The following TAFA4 variants were observed in gnomAD, a reference collection of about 807,000 sequenced individuals.
TAFA4 encodes chemokine-like protein TAFA-4.
Under a neutral mutation model 21.1 loss-of-function variants are expected in TAFA4, and 20 were observed. The observed-to-expected ratio is 0.95, with a 90% CI of 0.67 to 1.38. The LOEUF is 1.38. Ranked by LOEUF, TAFA4 falls within the 40% of genes most tolerant of loss-of-function variation. The probability of loss-of-function intolerance (pLI) is 0.00; values close to 1 mark genes in which losing one functional copy is unlikely to be tolerated. For synonymous variants in TAFA4, 71 were observed against 67.4 expected (o/e 1.05, Z -0.26); for missense variants, 211 against 180.9 (o/e 1.17, Z -0.95).
intron 3 of TAFA4, among the ~76,000 whole-genome samples, chr3:68,796,398 A>T (rs1219588370): frequency 6.6e-6 from 1 of 152,190 alleles, no homozygotes; most frequent in Admixed American, 6.5e-5. Flanking sequence ...TAGGAACCAA[A>T]AAGACACAGT....
chr3:68,871,214 C>A (rs1463639902), intron 3 of TAFA4, among the ~76,000 whole-genome samples: 3 of 151,990 alleles, frequency 2.0e-5, no homozygotes, highest in Non-Finnish European at 4.4e-5. Flanking sequence ...GAGTATATAC[C>A]CAAATGATTA....
chr3:68,909,278 C>G (rs936313089), intron 1 of TAFA4, among the ~76,000 whole-genome samples: 1 of 152,088 alleles, frequency 6.6e-6, no homozygotes, highest in Non-Finnish European at 1.5e-5. Context: ...TGCAACCCAC[C>G]GGGCAGAATT....
chr3:68,741,947 C>G (rs1426860327), intron 4 of TAFA4, among the ~76,000 whole-genome samples: 1 of 152,164 alleles, frequency 6.6e-6, no homozygotes, highest in African/African-American at 2.4e-5. Flanking sequence ...AGGCCAATAT[C>G]CTTGATAAAC....
chr3:68,785,464 C>G (rs55957991), intron 3 of TAFA4, among the ~76,000 whole-genome samples: 1 of 152,112 alleles, frequency 6.6e-6, no homozygotes, highest in African/African-American at 2.4e-5. Context: ...CTGCCCCGCG[C>G]GGGAAGGCAG....
chr3:68,812,327 T>C (rs1368213764), intron 3 of TAFA4, among the ~76,000 whole-genome samples: 2 of 152,116 alleles, frequency 1.3e-5, no homozygotes, highest in Admixed American at 1.3e-4. Context: ...CATAACAATA[T>C]TAACCTTAAA....
At chr3:68,809,347 G>A (rs528851146) in intron 3 of TAFA4, among the ~76,000 whole-genome samples, 1 of 152,248 alleles carries the variant, frequency 6.6e-6, no homozygotes, top group Non-Finnish European at 1.5e-5. Context: ...TGAAATTCCA[G>A]TATAACAAAA....
intron 3 of TAFA4, among the ~76,000 whole-genome samples, chr3:68,850,296 C>G (rs930094185): frequency 6.6e-6 from 1 of 152,178 alleles, no homozygotes; most frequent in African/African-American, 2.4e-5. Flanking sequence ...CAAGCATCCA[C>G]AATGTACACA....
intron 3 of TAFA4, among the ~76,000 whole-genome samples, chr3:68,799,751 A>ATAGTG (rs1703534269): frequency 2.8e-5 from 2 of 72,390 alleles, no homozygotes; most frequent in Non-Finnish European, 6.7e-5. Context: ...GGGCAAAGAG[A>ATAGTG]TCGTGTCTCC....
intron 1 of TAFA4, among the ~76,000 whole-genome samples, chr3:68,929,968 C>A (rs1206698857): frequency 1.3e-5 from 2 of 152,108 alleles, no homozygotes; most frequent in Non-Finnish European, 2.9e-5. Context: ...AATGGTTAAT[C>A]CCCAGTGAAT....
At chr3:68,883,703 A>T (rs921674248) in intron 2 of TAFA4, among the ~76,000 whole-genome samples, 4 of 152,352 alleles carry the variant, frequency 2.6e-5, no homozygotes, top group Non-Finnish European at 5.9e-5. Flanking sequence ...AATCCAGCAG[A>T]TCACTTATAG....
At chr3:68,877,220 G>C (rs781545423) in intron 3 of TAFA4, among the ~76,000 whole-genome samples, 3 of 152,024 alleles carry the variant, frequency 2.0e-5, no homozygotes, top group Admixed American at 2.0e-4. Flanking sequence ...TTAGCTGGGC[G>C]CTGTGGTAGG....
At position 68,753,004 on chromosome 3, in the gene TAFA4, T is replaced by G; in HGVS notation, c.145A>C (p.Lys49Gln). The change falls in exon 4 of 6, where the codon AAG (lysine) becomes CAG (glutamine). Residue 49 changes from lysine to glutamine, a missense_variant. Coordinates refer to ENST00000295569, the MANE Select transcript of TAFA4 (RefSeq NM_182522.5). ...GCGACCACCTCACAGGTCCCTTGCT[T>G]GATTTGGTGGTGACCTAGTTGGTAA... The part of the protein sequence containing the change: ...LRGHAGHHQI[K>Q]QGTCEVVAVH... 1.2e-6 allele frequency: 2 copies of G among 1,613,672 alleles called. No individual in the cohort carries two copies. Among genetic ancestry groups the G allele is most frequent in the Non-Finnish European group, 1.7e-6 (2 of 1,179,788 alleles).
At chr3:68,833,722 C>T (rs968436086) in intron 3 of TAFA4, among the ~76,000 whole-genome samples, 1 of 152,098 alleles carries the variant, frequency 6.6e-6, no homozygotes, top group African/African-American at 2.4e-5. Context: ...TCTTAGCCCC[C>T]TATCCACAAC....
At chr3:68,748,513 C>T (rs1035342044) in intron 4 of TAFA4, among the ~76,000 whole-genome samples, 9 of 152,122 alleles carry the variant, frequency 5.9e-5, no homozygotes, top group African/African-American at 2.2e-4. Context: ...GAGGCCAAGG[C>T]GGGTGGATCA....
At chr3:68,931,003 G>T (rs542749086) in intron 1 of TAFA4, among the ~76,000 whole-genome samples, 1 of 152,162 alleles carries the variant, frequency 6.6e-6, no homozygotes, top group Non-Finnish European at 1.5e-5. Context: ...GTTCTAGAGG[G>T]GGCCAAACGA....
chr3:68,858,405 A>C (rs1226291181), intron 3 of TAFA4, among the ~76,000 whole-genome samples: 1 of 152,108 alleles, frequency 6.6e-6, no homozygotes, highest in Admixed American at 6.5e-5. Flanking sequence ...TCCTATTTTA[A>C]TGAATGTCTA....
At chr3:68,843,048 G>A (rs932588968) in intron 3 of TAFA4, among the ~76,000 whole-genome samples, 1 of 152,156 alleles carries the variant, frequency 6.6e-6, no homozygotes, top group East Asian at 1.9e-4. Flanking sequence ...AAAATTTCAA[G>A]TACTTTTTTC....
chr3:68,748,388 G>C (rs2106745478), intron 4 of TAFA4, among the ~76,000 whole-genome samples: 1 of 152,294 alleles, frequency 6.6e-6, no homozygotes, highest in East Asian at 1.9e-4. Context: ...AGCCCATAAA[G>C]CCATGAAACT....
At chr3:68,849,484 A>G (rs891661530) in intron 3 of TAFA4, among the ~76,000 whole-genome samples, 1 of 152,104 alleles carries the variant, frequency 6.6e-6, no homozygotes, top group Non-Finnish European at 1.5e-5. Context: ...AGGCCCTAAG[A>G]CTACACAGAT....
Sources: gnomAD v4.1 joint callset for allele counts (sites outside exome capture counted in the v4.1 genomes callset) on GRCh38, gnomAD v4.1.1 for gene constraint, MANE v1.5 for transcripts, NCBI Gene and HGNC (gene_info 2026-07-23, HGNC 2026-07-21) for gene names.